The following NECAB3 variants were observed in gnomAD, a reference collection of about 807,000 sequenced individuals.
NECAB3 encodes the protein N-terminal EF-hand calcium-binding protein 3.
A neutral mutation model predicts 57.2 loss-of-function variants in NECAB3; 38 were observed. The ratio of observed to expected loss-of-function variants is 0.66; its 90% CI spans 0.51 to 0.87. The LOEUF (loss-of-function observed/expected upper bound fraction) is 0.87. NECAB3 is among the 40% of genes least tolerant of loss of function. NECAB3 has a pLI of 0.00. For synonymous variants in NECAB3, 223 were observed against 222.6 expected, an observed-to-expected ratio of 1.00 and a Z score of -0.02; for missense variants, 474 against 527.5, an observed-to-expected ratio of 0.90 and a Z score of 0.99.
rs2017579339 is a variant in NECAB3, at chr20:33,663,994, AC to A, written c.388-3600del. The A allele has an allele frequency of 7.5e-6, 6 of 803,760 alleles. No homozygotes were observed. In the South Asian group the frequency reaches 1.4e-4, roughly 18 times the overall value. The allele number at this position is 803,760 out of a possible 1,614,324, so 49.8% of individuals were successfully genotyped here. ...CAGCCTAGGAGCCGCAGAGGGGTGA[AC>A]GGGGCGTGATGAAGGCAGAGCCATC... On this transcript the variant is annotated intron_variant, in intron 5 of 11. Coordinates refer to ENST00000246190, the MANE Select transcript of NECAB3 (RefSeq NM_031232.4).
Position 33,658,310 on chromosome 20 carries a change from T to C in NECAB3, c.1070+167A>G, listed in dbSNP as rs568620495. 2.0e-5 allele frequency among the ~76,000 whole-genome samples: 3 copies of C among 152,292 alleles called. No homozygotes were observed. The East Asian group carries it at 5.8e-4, about 29-fold the overall frequency. On this transcript the variant is annotated intron_variant, in intron 10 of 11. Transcript: ENST00000246190. The stretch of plus-strand genomic sequence containing the variant: ...GTCACCTCCTTTAGCCCATAGGAGT[T>C]GGAACTGTTATCACTTCCATTTTGG...
rs760261894 is a variant in NECAB3, at chr20:33,667,553, CCGTGGAGGCGGGCGCGGG to C, written c.387+1804_387+1821del. The stretch of plus-strand genomic sequence containing the variant: ...TCCACCGGCGCGTTCAGCGGGCTGG[CCGTGGAGGCGGGCGCGGG>C]CGTGTGCCACGCCACGCCCATCTAC... On this transcript the variant is annotated intron_variant, in intron 5 of 11. Transcript: ENST00000246190. 4 of 1,552,686 alleles carry C rather than the reference CCGTGGAGGCGGGCGCGGG, an allele frequency of 2.6e-6. No homozygotes were observed. In the African/African-American group the frequency reaches 4.1e-5, roughly 16 times the overall value.
intron 5 of NECAB3, chr20:33,663,408 A>C (rs1360576624): frequency 2.0e-5 from 21 of 1,045,474 alleles, no homozygotes; most frequent in Non-Finnish European, 2.5e-5. Flanking sequence ...CGAGAGGATG[A>C]CAGGACCCGG....
chr20:33,673,400 C>T (rs957436425), intron 1 of NECAB3, among the ~76,000 whole-genome samples: 5 of 152,120 alleles, frequency 3.3e-5, no homozygotes, highest in Admixed American at 6.5e-5. Context: ...CTGAGGGGCA[C>T]GCAGCAAGCC....
intron 5 of NECAB3, chr20:33,663,261 G>T: frequency 1.9e-6 from 1 of 530,322 alleles, no homozygotes; most frequent in South Asian, 2.4e-5. Flanking sequence ...CATAAACTTA[G>T]ACGGAGCTGG....
At chr20:33,667,288 G>A in intron 5 of NECAB3, 2 of 540,270 alleles carry the variant, frequency 3.7e-6, no homozygotes, top group East Asian at 3.7e-5. Context: ...GCTGGCGGGC[G>A]GCGTGGCGCG....
rs2017812214 is a variant in NECAB3 at position 33,670,739 on chromosome 20, G to A, written c.208C>T (p.Leu70Phe). The change falls in exon 3 of 12, where the codon CTC becomes TTC. Residue 70 changes from leucine to phenylalanine, a missense_variant. Transcript: ENST00000246190. ...AGTTCCTGCAGCTCCCCCAGGCTGA[G>A]AACCCCATCGGCAAAGTAATTCTGG... ...EFQNYFADGV[L>F]SLGELQELFS... The A allele has an allele frequency of 6.2e-7, 1 of 1,614,086 alleles. No homozygotes were observed. The highest frequency in any genetic ancestry group is 1.7e-5 in the Admixed American group (1 of 60,014).
chr20:33,667,568 C>T lies in NECAB3; in HGVS notation c.387+1807G>A, dbSNP rs983334606. On this transcript the variant is annotated intron_variant, in intron 5 of 11. Transcript: ENST00000246190. ...AGCGGGCTGGCCGTGGAGGCGGGCG[C>T]GGGCGTGTGCCACGCCACGCCCATC... 9 of 1,555,450 alleles carry T rather than the reference C, an allele frequency of 5.8e-6. No individual in the cohort carries two copies. The highest frequency in any genetic ancestry group is 4.1e-5 in the African/African-American group (3 of 73,396).
intron 5 of NECAB3, chr20:33,668,110 C>T (rs1308923394): frequency 7.5e-6 from 12 of 1,608,512 alleles, no homozygotes; most frequent in Admixed American, 6.8e-5. Context: ...CAAGCATGGG[C>T]GTGGCATGGC....
At chr20:33,659,464 C>G in intron 8 of NECAB3, 33 bp downstream of exon 8, 1 of 1,438,120 alleles carries the variant, frequency 7.0e-7, no homozygotes, top group East Asian at 2.5e-5. Flanking sequence ...CCAGACACGG[C>G]CATCCAGCCG....
intron 2 of NECAB3, among the ~76,000 whole-genome samples, chr20:33,671,407 C>T (rs2017825379): frequency 6.6e-6 from 1 of 152,050 alleles, no homozygotes; most frequent in African/African-American, 2.4e-5. Flanking sequence ...GGAGCTGACC[C>T]GGGGGAGGAT....
rs766282167 is a variant in NECAB3 at position 33,660,307 on chromosome 20, G to A, written c.476C>T (p.Ser159Leu). The change falls in exon 6 of 12, where the codon TCG (serine) becomes TTG (leucine). Residue 159 changes from serine (S) to leucine (L), a missense_variant. Coordinates refer to ENST00000246190, the MANE Select transcript of NECAB3 (RefSeq NM_031232.4). This position sits in a 1 kb window ranked among gnomAD's most constrained non-coding sequence, Gnocchi z 4.1. The stretch of plus-strand genomic sequence containing the variant: ...CAGGGTATCTGACGCCCCCTCCAGC[G>A]AGCTCTGAAGGGCTTGCAGCTGGCT... ...TVSQLQALQS[S>L]LEGASDTLEA... 18 of 1,613,330 alleles carry A rather than the reference G, an allele frequency of 1.1e-5. No homozygotes were observed. Among genetic ancestry groups the A allele is most frequent in the Admixed American group, 6.7e-5 (4 of 60,024 alleles).
chr20:33,669,792 C>G, intron 3 of NECAB3, 80 bp from the exon 4 acceptor site: 1 of 1,433,698 alleles, frequency 7.0e-7, no homozygotes, highest in South Asian at 1.4e-5. Flanking sequence ...CACATCCCAC[C>G]CCACCAACTC....
upstream of NECAB3, chr20:33,674,950 G>A (rs1365444303): frequency 6.6e-6 from 1 of 152,136 alleles, no homozygotes. Flanking sequence ...AGCAGCCGGG[G>A]GGAGCTTTTA....
At chr20:33,663,179 T>C (rs1449235645) in intron 5 of NECAB3, among the ~76,000 whole-genome samples, 4 of 152,004 alleles carry the variant, frequency 2.6e-5, no homozygotes, top group Non-Finnish European at 2.9e-5. Context: ...CCCTCTCAAA[T>C]GAGCAGAAGC....
chr20:33,664,063 T>G (rs1465871907), intron 5 of NECAB3: 3 of 525,324 alleles, frequency 5.7e-6, no homozygotes, highest in Non-Finnish European at 9.7e-6. Flanking sequence ...TTCTCCTTCC[T>G]TGTGCCAAGG....
chr20:33,662,229 C>A, intron 5 of NECAB3: 1 of 1,365,922 alleles, frequency 7.3e-7, no homozygotes, highest in Non-Finnish European at 9.9e-7. Context: ...CCCTGGAAGG[C>A]GGTGCTCAGA....
At chr20:33,662,976 T>C (rs2017528495) in intron 5 of NECAB3, among the ~76,000 whole-genome samples, 1 of 152,112 alleles carries the variant, frequency 6.6e-6, no homozygotes, top group Non-Finnish European at 1.5e-5. Flanking sequence ...GGGCAGAGAT[T>C]CCAGAACCAG....
intron 3 of NECAB3, 171 bp downstream of exon 3, chr20:33,670,510 CAAG>C: frequency 1.9e-6 from 1 of 523,146 alleles, no homozygotes; most frequent in Non-Finnish European, 3.4e-6. Context: ...GTGTAGTGGG[CAAG>C]GCTGTAGCTG....
Sources: gnomAD v4.1 joint callset for allele counts (sites outside exome capture counted in the v4.1 genomes callset) on GRCh38, gnomAD v4.1.1 for gene constraint, Gnocchi (gnomAD v3.1) non-coding constraint, MANE v1.5 for transcripts, NCBI Gene and HGNC (gene_info 2026-07-23, HGNC 2026-07-21) for gene names.